ST8SIA2: variants seen among roughly 807,000 people sequenced by gnomAD.
ST8SIA2 encodes ST8 alpha-N-acetyl-neuraminide alpha-2,8-sialyltransferase 2, also known as alpha-2,8-sialyltransferase 8B.
ST8SIA2 carries 22 observed loss-of-function variants against 37.6 expected under a neutral mutation model. The observed-to-expected ratio is 0.58, with a 90% CI of 0.42 to 0.83. The LOEUF (loss-of-function observed/expected upper bound fraction) is 0.83. Ranked by LOEUF, ST8SIA2 falls within the 40% of genes least tolerant of loss-of-function variation. The pLI, the probability that ST8SIA2 is intolerant of heterozygous loss-of-function variation, is 0.00. For synonymous variants in ST8SIA2, 205 were observed against 201.2 expected (o/e 1.02, Z -0.16); for missense variants, 382 against 484.7 (o/e 0.79, Z 1.99).
At chr15:92,458,378 C>G (rs1567225471) in intron 5 of ST8SIA2, among the ~76,000 whole-genome samples, 1 of 152,182 alleles carries the variant, frequency 6.6e-6, no homozygotes, top group East Asian at 1.9e-4. Flanking sequence ...AGTCACTTGA[C>G]CCCAGCCCAG....
chr15:92,445,769 G>A (rs1313218468), intron 5 of ST8SIA2, among the ~76,000 whole-genome samples: 3 of 152,182 alleles, frequency 2.0e-5, no homozygotes, highest in Admixed American at 6.5e-5. Flanking sequence ...AAACAAATAG[G>A]AAATGTTGAG....
At chr15:92,445,694 G>C (rs1165391515) in intron 5 of ST8SIA2, among the ~76,000 whole-genome samples, 3 of 152,182 alleles carry the variant, frequency 2.0e-5, no homozygotes, top group African/African-American at 7.2e-5. Flanking sequence ...TAACTAATTA[G>C]GTAAGGATTT....
chr15:92,433,165 T>G (rs1339342033), intron 2 of ST8SIA2, among the ~76,000 whole-genome samples: 1 of 151,388 alleles, frequency 6.6e-6, no homozygotes, highest in Admixed American at 6.6e-5. Context: ...AAGTGGAGCG[T>G]CAGGTTTAGA....
chr15:92,465,056 AT>A lies in ST8SIA2; in HGVS notation c.*672del, dbSNP rs1476464714. 1 of 152,858 alleles carries A rather than the reference AT, an allele frequency of 6.5e-6. No individual in the cohort carries two copies. Among genetic ancestry groups the A allele is most frequent in the Non-Finnish European group, 1.5e-5 (1 of 68,302 alleles). 9.5% of individuals were successfully genotyped at this position (152,858 alleles called of 1,614,324 possible). ...TGGAGAGAAGGCTGGAGGAGACACA[AT>A]GGATGGTTCATGTTCTGGCTTAGCA... On this transcript the variant is annotated 3_prime_UTR_variant, in exon 6 of 6. Coordinates refer to ENST00000268164, the MANE Select transcript of ST8SIA2 (RefSeq NM_006011.4).
At chr15:92,436,260 C>T (rs1430662050) in intron 3 of ST8SIA2, among the ~76,000 whole-genome samples, 1 of 152,130 alleles carries the variant, frequency 6.6e-6, no homozygotes, top group Non-Finnish European at 1.5e-5. Context: ...ACTACACCAC[C>T]GTGAATGAAA....
At chr15:92,404,834 C>CAAAA (rs34778008) in intron 1 of ST8SIA2, among the ~76,000 whole-genome samples, 1 of 111,334 alleles carries the variant, frequency 9.0e-6, no homozygotes, top group Non-Finnish European at 1.8e-5. Flanking sequence ...GACTCCATCT[C>CAAAA]AAAAAAAAAA....
chr15:92,441,403 C>T (rs574073196), intron 4 of ST8SIA2, among the ~76,000 whole-genome samples: 64 of 152,268 alleles, frequency 4.2e-4, no homozygotes, highest in African/African-American at 1.3e-3. Flanking sequence ...TCCGGCAGGG[C>T]ACTGCTCGAG....
Position 92,464,297 on chromosome 15 carries a change from C to CCATG in ST8SIA2, c.1042_1045dup (p.Pro349HisfsTer6). On this transcript the variant is annotated frameshift_variant, in exon 6 of 6. Transcript: ENST00000268164. LOFTEE classifies it high-confidence loss of function. ...TACACCTCCCAGGCCAGCCCGCATA[C>CCATG]CATGCCCTTGGAGTTTAAGGCCCTC... 1 of 1,614,016 alleles carries CCATG rather than the reference C, an allele frequency of 6.2e-7. No individual in the cohort carries two copies. Among genetic ancestry groups the CCATG allele is most frequent in the Non-Finnish European group, 8.5e-7 (1 of 1,180,004 alleles).
chr15:92,408,678 TTTA>T, intron 1 of ST8SIA2, among the ~76,000 whole-genome samples: 1 of 37,094 alleles, frequency 2.7e-5, no homozygotes, highest in South Asian at 8.4e-4. Flanking sequence ...TTCCATTTTT[TTTA>T]TTTATTTATT....
chr15:92,455,653 T>C (rs1462571035), intron 5 of ST8SIA2, among the ~76,000 whole-genome samples: 3 of 152,216 alleles, frequency 2.0e-5, no homozygotes, highest in African/African-American at 7.2e-5. Context: ...GTCTGGACCA[T>C]AATTTATGTA....
At chr15:92,460,768 A>G (rs2049951708) in intron 5 of ST8SIA2, among the ~76,000 whole-genome samples, 1 of 152,132 alleles carries the variant, frequency 6.6e-6, no homozygotes, top group Non-Finnish European at 1.5e-5. Flanking sequence ...CCACCCACCT[A>G]TCTGTTGGGT....
intron 5 of ST8SIA2, among the ~76,000 whole-genome samples, chr15:92,449,908 G>A (rs369953483): frequency 0.01 from 1,555 of 152,090 alleles, 27 homozygotes; most frequent in African/African-American, 0.035. Flanking sequence ...GACCTTTGTC[G>A]GATGCATAGT....
chr15:92,445,624 T>C (rs2049836909), intron 5 of ST8SIA2, among the ~76,000 whole-genome samples: 1 of 152,194 alleles, frequency 6.6e-6, no homozygotes, highest in African/African-American at 2.4e-5. Flanking sequence ...CTAGGCAATA[T>C]GAAAGAGATA....
In ST8SIA2 at chr15:92,425,883, T is replaced by C. The variant is rs77384750; in HGVS notation, c.99-4166T>C. 7.5e-3 allele frequency among the ~76,000 whole-genome samples: 1,136 copies of C among 152,272 alleles called. 14 individuals carry two copies. Among genetic ancestry groups the C allele is most frequent in the African/African-American group, 0.026 (1,070 of 41,544 alleles). On this transcript the variant is annotated intron_variant, in intron 1 of 5. Transcript: ENST00000268164. ...AGACAGTAGGGGTGTGGATTCAAGA[T>C]TGCAATTTGACAGGAGCGTTCCCAG...
At chr15:92,404,451 T>C (rs1384516608) in intron 1 of ST8SIA2, among the ~76,000 whole-genome samples, 1 of 152,106 alleles carries the variant, frequency 6.6e-6, no homozygotes, top group African/African-American at 2.4e-5. Context: ...GAAAACAGTA[T>C]GACGGTTCCT....
In ST8SIA2 at chr15:92,405,422, T is replaced by C. The variant is rs185032840; in HGVS notation, c.98+11260T>C. ...TGGTAATGATAGCTGCAGAATAATA[T>C]GAATGTCTTAATGCTACTGAACCGA... On this transcript the variant is annotated intron_variant, in intron 1 of 5. Coordinates refer to ENST00000268164, the MANE Select transcript of ST8SIA2 (RefSeq NM_006011.4). Among the ~76,000 whole-genome samples, 595 of 152,324 alleles carry C rather than the reference T, an allele frequency of 3.9e-3. 2 individuals are homozygous for C. Among genetic ancestry groups the C allele is most frequent in the African/African-American group, 0.013 (532 of 41,570 alleles).
At chr15:92,429,195 C>T (rs917866806) in intron 1 of ST8SIA2, among the ~76,000 whole-genome samples, 3 of 152,310 alleles carry the variant, frequency 2.0e-5, no homozygotes, top group Non-Finnish European at 2.9e-5. Context: ...CTCCCCACAC[C>T]GCATACCCCA....
At chr15:92,449,846 G>A (rs1170886844) in intron 5 of ST8SIA2, among the ~76,000 whole-genome samples, 1 of 152,018 alleles carries the variant, frequency 6.6e-6, no homozygotes, top group South Asian at 2.1e-4. Context: ...TTTTAATGGG[G>A]TTGTCTTTTG....
rs544368111 is a variant in ST8SIA2, at chr15:92,449,816, G to A, written c.842+4887G>A. Among the ~76,000 whole-genome samples, 197 of 152,232 alleles carry A rather than the reference G, an allele frequency of 1.3e-3. 1 individual carries two copies. Among genetic ancestry groups the A allele is most frequent in the African/African-American group, 4.5e-3 (186 of 41,556 alleles). ...ATTTGTCTTCTTTTGAGAAGTGGCT[G>A]TTCATGTCTTTTGCCGATTTTTTAA... On this transcript the variant is annotated intron_variant, in intron 5 of 5. Coordinates refer to ENST00000268164, the MANE Select transcript of ST8SIA2 (RefSeq NM_006011.4).
Sources: allele counts gnomAD v4.1 joint callset (sites outside exome capture counted in the v4.1 genomes callset), GRCh38; gene constraint gnomAD v4.1.1; transcripts MANE v1.5; gene names NCBI Gene and HGNC (gene_info 2026-07-23, HGNC 2026-07-21).